The following DDX31 variants were observed in gnomAD, a reference collection of about 807,000 sequenced individuals.
DDX31 encodes the protein ATP-dependent DNA helicase DDX31.
Under a neutral mutation model 91.3 loss-of-function variants are expected in DDX31, and 70 were observed. The ratio of observed to expected loss-of-function variants is 0.77; its 90% CI spans 0.63 to 0.94. The LOEUF is 0.94. DDX31 is among the 40% of genes least tolerant of loss of function. DDX31 has a pLI of 0.00. For missense variants in DDX31, 902 were observed against 925.0 expected, an observed-to-expected ratio of 0.98 and a Z score of 0.32; for synonymous variants, 362 against 350.6, an observed-to-expected ratio of 1.03 and a Z score of -0.36.
At chr9:132,637,830 A>G (rs1175831986) in intron 14 of DDX31, 1 of 985,916 alleles carries the variant, frequency 1.0e-6, no homozygotes, top group Non-Finnish European at 1.2e-6. Context: ...AACGAAAAAG[A>G]TACACTTTAC....
At position 132,635,200 on chromosome 9, in the gene DDX31, T is replaced by C. The variant is rs117912351; in HGVS notation, c.1441-3109A>G. Among the ~76,000 whole-genome samples, 614 of 152,204 alleles carry C rather than the reference T, an allele frequency of 4.0e-3. 1 individual carries two copies. The highest frequency in any genetic ancestry group is 7.6e-3 in the Non-Finnish European group (520 of 68,016). On this transcript the variant is annotated intron_variant, in intron 14 of 19. Coordinates refer to ENST00000372159, the MANE Select transcript of DDX31 (RefSeq NM_022779.9). ...TGTATGGGTCCCTCTGTTGAGAAGG[T>C]GACTTTCTCCTTCGTAATGAGTAAG...
At position 132,595,543 on chromosome 9, in the gene DDX31, T is replaced by C. The variant is rs1412634972; in HGVS notation, c.1995-431A>G. ...CAGCTTAAAGCAACTGGCCTCCTCA[T>C]GGGCTCCTGAGGGCTTCAGGACTCA... is the stretch of plus-strand genomic sequence containing the variant. On this transcript the variant is annotated intron_variant, in intron 19 of 19. Transcript: ENST00000372159. This position sits in a 1 kb window ranked among gnomAD's most constrained non-coding sequence, Gnocchi z 4.6. 6.6e-6 allele frequency among the ~76,000 whole-genome samples: 1 copy of C among 152,192 alleles called. No individual in the cohort carries two copies. Among genetic ancestry groups the C allele is most frequent in the Non-Finnish European group, 1.5e-5 (1 of 68,036 alleles).
rs925444063 is a variant in DDX31 at position 132,638,028 on chromosome 9, C to T, written c.1440+3976G>A. On this transcript the variant is annotated intron_variant, in intron 14 of 19. Coordinates refer to ENST00000372159, the MANE Select transcript of DDX31 (RefSeq NM_022779.9). ...AGTATGCTTCAAGCGGAAAAAAATA[C>T]GGAGAAGGTGGAGGAAAGCAGCACA... 20 of 1,150,088 alleles carry T rather than the reference C, an allele frequency of 1.7e-5. No homozygotes were observed. The East Asian group carries it at 6.8e-4, about 39-fold the overall frequency. 71.2% of individuals were successfully genotyped at this position (1,150,088 alleles called of 1,614,324 possible). A position where few individuals can be genotyped will look rare whatever the true frequency, so the allele number is the denominator to read the frequency against.
chr9:132,631,700 C>T (rs1832732907), intron 15 of DDX31, among the ~76,000 whole-genome samples: 1 of 152,180 alleles, frequency 6.6e-6, no homozygotes, highest in East Asian at 1.9e-4. Flanking sequence ...GACAGCTGAG[C>T]CATCTCCTTC....
chr9:132,646,713 G>T, intron 12 of DDX31, 110 bp downstream of exon 12: 1 of 1,020,090 alleles, frequency 9.8e-7, no homozygotes, highest in Non-Finnish European at 1.5e-6. Flanking sequence ...GCAGACATAA[G>T]TTGGAAAACC....
chr9:132,639,281 G>C (rs1002557553), intron 14 of DDX31, among the ~76,000 whole-genome samples: 2 of 151,924 alleles, frequency 1.3e-5, no homozygotes, highest in African/African-American at 4.8e-5. Context: ...ACTGGGAACC[G>C]GCCCTCCTGT....
At chr9:132,620,239 T>C (rs1240897530) in intron 17 of DDX31, among the ~76,000 whole-genome samples, 1 of 151,930 alleles carries the variant, frequency 6.6e-6, no homozygotes, top group Non-Finnish European at 1.5e-5. Context: ...AGGCCTCAAA[T>C]TAAAGACAGC....
chr9:132,633,345 G>A (rs1324564620), intron 14 of DDX31, among the ~76,000 whole-genome samples: 1 of 152,146 alleles, frequency 6.6e-6, no homozygotes, highest in Non-Finnish European at 1.5e-5. Flanking sequence ...ACCCAGAGCA[G>A]TATCACTTCT....
Position 132,659,711 on chromosome 9 carries a change from T to G in DDX31, c.522A>C (p.Ser174=). The change falls in exon 5 of 20, where the codon TCA becomes TCC. Residue 174 remains serine (S), a splice_region_variant and synonymous_variant. Coordinates refer to ENST00000372159, the MANE Select transcript of DDX31 (RefSeq NM_022779.9). ...RDALVRSQTG[S]GKTLAYCIPV... ...GGGCAGAGATGAAATGAGACTAACCTGAGCCCGTCTGGGATCTCACGAGAG... is the reference window on the plus strand; with the variant it reads ...GGGCAGAGATGAAATGAGACTAACCGGAGCCCGTCTGGGATCTCACGAGAG... The G allele has an allele frequency of 6.2e-7, 1 of 1,608,978 alleles. No homozygotes were observed. The highest frequency in any genetic ancestry group is 8.5e-7 in the Non-Finnish European group (1 of 1,177,238).
At position 132,612,230 on chromosome 9, in the gene DDX31, G is replaced by T; in HGVS notation, c.1851C>A (p.Tyr617Ter). 6.2e-7 allele frequency: 1 copy of T among 1,614,194 alleles called. No individual in the cohort carries two copies. Among genetic ancestry groups the T allele is most frequent in the Non-Finnish European group, 8.5e-7 (1 of 1,180,034 alleles). The change falls in exon 19 of 20, where the codon TAC (tyrosine) becomes TAA (stop). Residue 617 changes from tyrosine (Y) to a stop codon, truncating the protein, a stop_gained. Transcript: ENST00000372159. LOFTEE classifies it high-confidence loss of function. ...KKALQSFIQA[Y>*]ATYPRELKHI... Reference sequence around the variant, plus strand: ...GCTTCAGCTCCCTGGGGTAGGTGGCGTAGGCTTGGATGAAGGACTGCAGAG... The same window carrying T: ...GCTTCAGCTCCCTGGGGTAGGTGGCTTAGGCTTGGATGAAGGACTGCAGAG...
At chr9:132,653,224 T>G (rs898453951) in intron 6 of DDX31, among the ~76,000 whole-genome samples, 1 of 151,844 alleles carries the variant, frequency 6.6e-6, no homozygotes, top group East Asian at 1.9e-4. Flanking sequence ...CCAGGTGCAG[T>G]GGCTCACGCC....
At chr9:132,668,507 T>C (rs1289559213) in intron 1 of DDX31, among the ~76,000 whole-genome samples, 1 of 151,662 alleles carries the variant, frequency 6.6e-6, no homozygotes, top group Non-Finnish European at 1.5e-5. Flanking sequence ...TGAGTGACCA[T>C]GGCCCATGAT....
At chr9:132,612,454 C>A in intron 18 of DDX31, 199 bp from the exon 19 acceptor site, 1 of 591,680 alleles carries the variant, frequency 1.7e-6, no homozygotes, top group Non-Finnish European at 3.0e-6. Context: ...AAGAAAAAAA[C>A]TACAGGGGGC....
chr9:132,637,393 T>G (rs1249155446), intron 14 of DDX31, among the ~76,000 whole-genome samples: 4 of 152,262 alleles, frequency 2.6e-5, no homozygotes, highest in African/African-American at 4.8e-5. Flanking sequence ...GCCCTGGGCC[T>G]GACAATTGGC....
rs1285052034 is a variant in DDX31 at position 132,595,140 on chromosome 9, A to G, written c.1995-28T>C. On this transcript the variant is annotated intron_variant, in intron 19 of 19. Coordinates refer to ENST00000372159, the MANE Select transcript of DDX31 (RefSeq NM_022779.9). This position sits in a 1 kb window ranked among gnomAD's most constrained non-coding sequence, Gnocchi z 4.6. ...GAAGAACAGTAACAGCAGAGAGGGA[A>G]AAGAAACTTTATTATTTTTCTTTCC... is the stretch of plus-strand genomic sequence containing the variant. 1.3e-6 allele frequency: 2 copies of G among 1,588,710 alleles called. No individual in the cohort carries two copies. Among genetic ancestry groups the G allele is most frequent in the South Asian group, 2.3e-5 (2 of 88,694 alleles).
At chr9:132,605,075 C>T (rs887223580) in intron 19 of DDX31, among the ~76,000 whole-genome samples, 4 of 152,204 alleles carry the variant, frequency 2.6e-5, no homozygotes, top group East Asian at 1.9e-4. Flanking sequence ...TTCTGAAAGA[C>T]GACTTTCCCA....
At chr9:132,618,470 G>A (rs776158798) in intron 17 of DDX31, 29 bp from the exon 18 acceptor site, 2 of 1,585,094 alleles carry the variant, frequency 1.3e-6, no homozygotes, top group East Asian at 2.3e-5. Context: ...GATTAAAGGA[G>A]AGATAGAGTC....
intron 14 of DDX31, among the ~76,000 whole-genome samples, chr9:132,633,060 G>C (rs980854235): frequency 6.6e-6 from 1 of 152,132 alleles, no homozygotes; most frequent in East Asian, 1.9e-4. Context: ...CTTTACCTGC[G>C]TTATCTTGAC....
At chr9:132,638,441 TGGGA>T in intron 14 of DDX31, 1 of 1,598,760 alleles carries the variant, frequency 6.3e-7, no homozygotes, top group Non-Finnish European at 8.6e-7. Flanking sequence ...TAATTCCACT[TGGGA>T]AAGTGGGCTT....
Sources: allele counts gnomAD v4.1 joint callset (sites outside exome capture counted in the v4.1 genomes callset), GRCh38; gene constraint gnomAD v4.1.1; non-coding constraint Gnocchi (gnomAD v3.1); transcripts MANE v1.5; gene names NCBI Gene and HGNC (gene_info 2026-07-23, HGNC 2026-07-21).